FRAS1: variants seen among roughly 807,000 people sequenced by gnomAD.
FRAS1 encodes the protein Fraser extracellular matrix complex subunit 1, also known as extracellular matrix organizing protein FRAS1.
Under a neutral mutation model 435.2 loss-of-function variants are expected in FRAS1, and 290 were observed. That is an observed-to-expected ratio of 0.67 (90% CI 0.61 to 0.73). FRAS1 has a LOEUF of 0.73. FRAS1 is among the 30% of genes least tolerant of loss of function. The pLI is 0.00. For missense variants in FRAS1, 4,860 were observed against 5,001.5 expected (o/e 0.97, Z 0.85); for synonymous variants, 1,800 against 1,851.0 (o/e 0.97, Z 0.71).
At chr4:78,261,009 A>C (rs1458307709) in intron 6 of FRAS1, among the ~76,000 whole-genome samples, 1 of 151,854 alleles carries the variant, frequency 6.6e-6, no homozygotes, top group African/African-American at 2.4e-5. Flanking sequence ...AATTATTCTC[A>C]CTTCTCCAGA....
chr4:78,409,994 T>C (rs1733270529), intron 31 of FRAS1, among the ~76,000 whole-genome samples: 1 of 152,224 alleles, frequency 6.6e-6, no homozygotes, highest in African/African-American at 2.4e-5. Context: ...ACACTGAATT[T>C]CCAATGAGTG....
At chr4:78,471,895 C>T (rs915743987) in intron 51 of FRAS1, among the ~76,000 whole-genome samples, 1 of 152,198 alleles carries the variant, frequency 6.6e-6, no homozygotes, top group Non-Finnish European at 1.5e-5. Flanking sequence ...TTCTCTCTCT[C>T]TCTTTCTCTT....
In FRAS1 at chr4:78,266,934, A is replaced by G. The variant is rs1160943166; in HGVS notation, c.788A>G (p.Lys263Arg). ...GCCTGCCTGCCCCTGAGATGCGGAA[A>G]GGTATTTGAGAGTGTGTACCTTACT... is the stretch of plus-strand genomic sequence containing the variant. ...KQACLPLRCG[K>R]GQSRARRHGQ... The change falls in exon 8 of 74, where the codon AAG becomes AGG. Residue 263 changes from lysine to arginine, a missense_variant and splice_region_variant. Coordinates refer to ENST00000512123, the MANE Select transcript of FRAS1 (RefSeq NM_025074.7). 2.5e-6 allele frequency: 4 copies of G among 1,595,796 alleles called. No homozygotes were observed. The highest frequency in any genetic ancestry group is 1.3e-5 in the African/African-American group (1 of 74,644).
At chr4:78,487,969 A>G (rs1336041980) in intron 58 of FRAS1, among the ~76,000 whole-genome samples, 1 of 152,084 alleles carries the variant, frequency 6.6e-6, no homozygotes, top group Non-Finnish European at 1.5e-5. Context: ...AAGTCAAAGG[A>G]GGATTTGAGT....
intron 8 of FRAS1, 111 bp downstream of exon 8, chr4:78,267,046 G>T: frequency 1.1e-6 from 1 of 944,912 alleles, no homozygotes; most frequent in Non-Finnish European, 1.6e-6. Flanking sequence ...TATAATGTTT[G>T]CAAAGTTACA....
At position 78,499,820 on chromosome 4, in the gene FRAS1, A is replaced by T; in HGVS notation, c.9215A>T (p.Asp3072Val). 6.2e-7 allele frequency: 1 copy of T among 1,613,910 alleles called. No homozygotes were observed. Among genetic ancestry groups the T allele is most frequent in the Non-Finnish European group, 8.5e-7 (1 of 1,179,824 alleles). Residue 3072 changes from aspartate to valine, a missense_variant, in exon 61 of 74, where the codon GAT (aspartate) becomes GTT (valine). Transcript: ENST00000512123. ...ILNIKVIRRGDQNRTSKVRCS... is the reference protein window; with the variant it reads ...ILNIKVIRRGVQNRTSKVRCS... ...AACATCAAGGTGATCCGCAGAGGGG[A>T]TCAGAACAGGACCTCCAAGGTTCGC...
rs558154706 is a variant in FRAS1 at position 78,342,165 on chromosome 4, C to G, written c.2422+4348C>G. 1.1e-4 allele frequency among the ~76,000 whole-genome samples: 17 copies of G among 152,328 alleles called. No homozygotes were observed. The South Asian group carries it at 3.3e-3, about 30-fold the overall frequency. The stretch of plus-strand genomic sequence containing the variant: ...AGTCCCGGAGAAGGACCCTCTCTGC[C>G]TGCTCTTTCGTGTATGTCCAAGCGC... On this transcript the variant is annotated intron_variant, in intron 20 of 73. Transcript: ENST00000512123.
intron 14 of FRAS1, among the ~76,000 whole-genome samples, chr4:78,294,769 GA>G (rs1479541689): frequency 6.6e-6 from 1 of 152,086 alleles, no homozygotes; most frequent in African/African-American, 2.4e-5. Flanking sequence ...GTACCTTAGG[GA>G]AAAGGACTAT....
intron 44 of FRAS1, among the ~76,000 whole-genome samples, chr4:78,448,732 A>AGCT (rs1718932448): frequency 6.6e-6 from 1 of 152,216 alleles, no homozygotes; most frequent in Non-Finnish European, 1.5e-5. Context: ...ATGGAGGGTA[A>AGCT]GCTGGGAAAC....
At chr4:78,333,499 C>T in intron 19 of FRAS1, 87 bp downstream of exon 19, 2 of 1,349,570 alleles carry the variant, frequency 1.5e-6, no homozygotes, top group Non-Finnish European at 2.0e-6. Context: ...GAAACCTTGT[C>T]ATACCGGGGA....
intron 20 of FRAS1, among the ~76,000 whole-genome samples, chr4:78,346,735 A>T (rs895735720): frequency 2.0e-5 from 3 of 151,808 alleles, no homozygotes; most frequent in African/African-American, 7.3e-5. Context: ...TTCTCCTCAA[A>T]TCTTTCTCTT....
At chr4:78,313,676 CT>C (rs1187751398) in intron 15 of FRAS1, among the ~76,000 whole-genome samples, 1 of 152,162 alleles carries the variant, frequency 6.6e-6, no homozygotes, top group African/African-American at 2.4e-5. Flanking sequence ...ATGCATCCCT[CT>C]TTTCTCTTAG....
chr4:78,150,689 G>A (rs767342339), intron 2 of FRAS1, among the ~76,000 whole-genome samples: 3 of 152,120 alleles, frequency 2.0e-5, no homozygotes, highest in Non-Finnish European at 4.4e-5. Flanking sequence ...TATCCAGACT[G>A]GGGGAAACTA....
intron 15 of FRAS1, among the ~76,000 whole-genome samples, chr4:78,311,713 T>A (rs975035339): frequency 6.6e-6 from 1 of 152,232 alleles, no homozygotes; most frequent in African/African-American, 2.4e-5. Flanking sequence ...CTCCACATCC[T>A]TGCCACCACT....
rs1469100009 is a variant in FRAS1, at chr4:78,400,808, CAG to C, written c.4052_4053del (p.Arg1351AsnfsTer12). The C allele has an allele frequency of 6.2e-7, 1 of 1,613,732 alleles. No homozygotes were observed. The highest frequency in any genetic ancestry group is 1.7e-5 in the Admixed American group (1 of 59,996). On this transcript the variant is annotated frameshift_variant, in exon 30 of 74. Transcript: ENST00000512123. LOFTEE classifies it high-confidence loss of function. Reference sequence around the variant, plus strand: ...AAGGGGGGATGCTGCAGATCACCAACAGAATCTTACAGGCCGAGGCTCCTGGT... The same window carrying C: ...AAGGGGGGATGCTGCAGATCACCAACAATCTTACAGGCCGAGGCTCCTGGT... ...PEGGMLQITN[R>X]ILQAEAPGAS...
At position 78,387,765 on chromosome 4, in the gene FRAS1, T is replaced by A. The variant is rs1732278782; in HGVS notation, c.3975+64T>A. 3 of 1,078,924 alleles carry A rather than the reference T, an allele frequency of 2.8e-6. No homozygotes were observed. In the South Asian group the frequency reaches 6.2e-5, roughly 22 times the overall value. The allele number at this position is 1,078,924 out of a possible 1,614,324, so 66.8% of individuals were successfully genotyped here. A position where few individuals can be genotyped will look rare whatever the true frequency, so the allele number is the denominator to read the frequency against. ...AGATGTGAACTTCTACGGTTGATAT[T>A]ATTTTATGATACTCACAAAGTTAAG... is the stretch of plus-strand genomic sequence containing the variant. On this transcript the variant is annotated intron_variant, in intron 29 of 73. Transcript: ENST00000512123.
chr4:78,361,225 A>C (rs1731060933), intron 20 of FRAS1, among the ~76,000 whole-genome samples: 1 of 152,214 alleles, frequency 6.6e-6, no homozygotes, highest in African/African-American at 2.4e-5. Context: ...TGGCACTGTA[A>C]GGAAGGCATA....
intron 35 of FRAS1, among the ~76,000 whole-genome samples, chr4:78,426,626 C>T (rs1056216283): frequency 6.6e-6 from 1 of 152,156 alleles, no homozygotes; most frequent in Non-Finnish European, 1.5e-5. Context: ...GTTCCTGGGA[C>T]CTGACTGACT....
rs766988463 is a variant in FRAS1 at position 78,534,436 on chromosome 4, TC to T, written c.10926-11del. 2.3e-5 allele frequency: 37 copies of T among 1,606,188 alleles called. No homozygotes were observed. In the South Asian group the frequency reaches 4.1e-4, roughly 18 times the overall value. ...CTGCTCTCAAAGAGCTCTTTGTTTC[TC>T]CTTGCATTTAGATTCCTGATACCCA... On this transcript the variant is annotated splice_polypyrimidine_tract_variant and intron_variant, in intron 70 of 73. Coordinates refer to ENST00000512123, the MANE Select transcript of FRAS1 (RefSeq NM_025074.7).
Sources: gnomAD v4.1 joint callset for allele counts (sites outside exome capture counted in the v4.1 genomes callset) on GRCh38, gnomAD v4.1.1 for gene constraint, MANE v1.5 for transcripts, NCBI Gene and HGNC (gene_info 2026-07-23, HGNC 2026-07-21) for gene names.